ADAMTS19: variants seen among roughly 807,000 people sequenced by gnomAD.
The protein encoded by ADAMTS19 is A disintegrin and metalloproteinase with thrombospondin motifs 19.
A neutral mutation model predicts 153.3 loss-of-function variants in ADAMTS19; 93 were observed. The observed-to-expected ratio is 0.61, with a 90% CI of 0.51 to 0.72. The LOEUF (loss-of-function observed/expected upper bound fraction) is 0.72, where lower values mean the gene tolerates loss of function less well. ADAMTS19 is among the 30% of genes least tolerant of loss of function. ADAMTS19 has a pLI of 0.00. For synonymous variants in ADAMTS19, 600 were observed against 556.6 expected (o/e 1.08, Z -1.10); for missense variants, 1,482 against 1,552.1 (o/e 0.95, Z 0.76).
intron 16 of ADAMTS19, among the ~76,000 whole-genome samples, chr5:129,666,025 G>A (rs546690509): frequency 1.6e-3 from 239 of 150,752 alleles, no homozygotes; most frequent in Non-Finnish European, 2.9e-3. Context: ...ATCTTGTGGC[G>A]TTTTTGAAGT....
chr5:129,522,314 T>TACACACACACACACACACAC (rs1455704023), intron 3 of ADAMTS19, among the ~76,000 whole-genome samples: 6 of 94,488 alleles, frequency 6.4e-5, no homozygotes, highest in African/African-American at 2.6e-4. Context: ...TATATATATA[T>TACACACACACACACACACAC]ATACACACAC....
intron 8 of ADAMTS19, among the ~76,000 whole-genome samples, chr5:129,600,713 C>G (rs1334279983): frequency 6.6e-6 from 1 of 152,112 alleles, no homozygotes; most frequent in African/African-American, 2.4e-5. Flanking sequence ...TATCGACTTT[C>G]TCCTTTGGCA....
rs1317690680 is a variant in ADAMTS19, at chr5:129,738,186, C to G, written c.*968C>G. The G allele has an allele frequency of 1.3e-5, 2 of 152,068 alleles. No individual in the cohort carries two copies. The highest frequency in any genetic ancestry group is 2.9e-5 in the Non-Finnish European group (2 of 67,946). The allele number at this position is 152,068 out of a possible 1,614,324, so 9.4% of individuals were successfully genotyped here. A position where few individuals can be genotyped will look rare whatever the true frequency, so the allele number is the denominator to read the frequency against. ...AAAGCATATAATACGGTGGTCGTTT[C>G]ATTGTGTTTTTCTTCCTTTTAAAAA... is the stretch of plus-strand genomic sequence containing the variant. On this transcript the variant is annotated 3_prime_UTR_variant, in exon 23 of 23. Transcript: ENST00000274487.
At chr5:129,558,581 T>A (rs973183237) in intron 7 of ADAMTS19, among the ~76,000 whole-genome samples, 5 of 152,126 alleles carry the variant, frequency 3.3e-5, no homozygotes, top group Non-Finnish European at 7.4e-5. Context: ...TCCCTCAAAC[T>A]GATCTATTAA....
At chr5:129,568,757 G>A (rs554042822) in intron 7 of ADAMTS19, among the ~76,000 whole-genome samples, 1 of 152,176 alleles carries the variant, frequency 6.6e-6, no homozygotes, top group South Asian at 2.1e-4. Flanking sequence ...AGGAGTTTGA[G>A]GTTACAGTGA....
intron 7 of ADAMTS19, among the ~76,000 whole-genome samples, chr5:129,577,387 C>T (rs1749186070): frequency 6.6e-6 from 1 of 151,880 alleles, no homozygotes; most frequent in Admixed American, 6.6e-5. Flanking sequence ...AGAGAATATA[C>T]ATATTAAATA....
At chr5:129,611,159 G>A (rs187664926) in intron 8 of ADAMTS19, among the ~76,000 whole-genome samples, 79 of 151,988 alleles carry the variant, frequency 5.2e-4, no homozygotes, top group African/African-American at 1.6e-3. Context: ...TGTAAATTTC[G>A]TTGAGTTCTT....
chr5:129,680,738 G>C (rs920836055), intron 17 of ADAMTS19, among the ~76,000 whole-genome samples: 4 of 150,446 alleles, frequency 2.7e-5, no homozygotes, highest in Admixed American at 2.0e-4. Context: ...CTCCAGCCTG[G>C]GTGACAGAGG....
chr5:129,690,674 G>T (rs190744468), intron 18 of ADAMTS19, among the ~76,000 whole-genome samples: 1 of 152,022 alleles, frequency 6.6e-6, no homozygotes, highest in African/African-American at 2.4e-5. Flanking sequence ...AAATGTAGGT[G>T]TAAAAAATAA....
At chr5:129,681,536 A>G (rs1754812143) in intron 17 of ADAMTS19, among the ~76,000 whole-genome samples, 1 of 152,146 alleles carries the variant, frequency 6.6e-6, no homozygotes, top group South Asian at 2.1e-4. Flanking sequence ...TATTATTATT[A>G]CTCTAGTTTA....
At chr5:129,649,620 T>G (rs1753225118) in intron 13 of ADAMTS19, among the ~76,000 whole-genome samples, 1 of 152,116 alleles carries the variant, frequency 6.6e-6, no homozygotes, top group Non-Finnish European at 1.5e-5. Context: ...AAGATCTTTG[T>G]GCTAATGAAT....
In ADAMTS19 at chr5:129,622,256, G is replaced by A; in HGVS notation, c.1678G>A (p.Val560Ile). The part of the protein sequence containing the change: ...TNPQSVNSVM[V>I]PSKLPGMTYT... ...TCCGCAGAGTGTCAATTCTGTGATG[G>A]TTCCCTCCAAGCTGCCAGGGATGAC... Residue 560 changes from valine to isoleucine, a missense_variant, in exon 10 of 23, where the codon GTT (valine) becomes ATT (isoleucine). Val to Ile is a conservative substitution (Grantham distance 29). This residue lies in a region of ADAMTS19 where 866 missense variants were observed against 827.7 expected (regional missense o/e 1.05). Coordinates refer to ENST00000274487, the MANE Select transcript of ADAMTS19 (RefSeq NM_133638.6). 1 of 1,614,112 alleles carries A rather than the reference G, an allele frequency of 6.2e-7. No individual in the cohort carries two copies. Among genetic ancestry groups the A allele is most frequent in the Admixed American group, 1.7e-5 (1 of 60,006 alleles).
rs1487770914 is a variant in ADAMTS19 at position 129,641,914 on chromosome 5, C to A, written c.1826C>A (p.Thr609Asn). Residue 609 changes from threonine to asparagine, a missense_variant, in exon 11 of 23, where the codon ACC (threonine) becomes AAC (asparagine). By Grantham distance (65) the Thr-to-Asn change is moderately conservative. Transcript: ENST00000274487. The part of the protein sequence containing the change: ...CKVEGEKECR[T>N]KLDPPMDGTD... ...GTAGAAGGTGAGAAAGAATGCAGAA[C>A]CAAGCTAGACCCACCAATGGATGGA... 6.2e-7 allele frequency: 1 copy of A among 1,604,280 alleles called. No individual in the cohort carries two copies. The highest frequency in any genetic ancestry group is 2.2e-5 in the East Asian group (1 of 44,614).
intron 21 of ADAMTS19, among the ~76,000 whole-genome samples, chr5:129,719,987 C>T (rs1756910706): frequency 6.6e-6 from 1 of 152,054 alleles, no homozygotes; most frequent in African/African-American, 2.4e-5. Flanking sequence ...TTGCAGTGAG[C>T]CCAGATTGCG....
intron 8 of ADAMTS19, among the ~76,000 whole-genome samples, chr5:129,615,472 C>G (rs540174357): frequency 2.0e-5 from 3 of 152,038 alleles, no homozygotes; most frequent in South Asian, 4.1e-4. Context: ...TATTTTAATT[C>G]GTTGGGGGCA....
intron 7 of ADAMTS19, among the ~76,000 whole-genome samples, chr5:129,578,089 TATACATACATATAC>T (rs1410307635): frequency 4.0e-5 from 2 of 49,932 alleles, no homozygotes; most frequent in South Asian, 9.3e-4. Context: ...CATATATACA[TATACATACATATAC>T]ATATGCATGT....
At chr5:129,623,895 C>T (rs942037595) in intron 10 of ADAMTS19, among the ~76,000 whole-genome samples, 10 of 151,232 alleles carry the variant, frequency 6.6e-5, no homozygotes, top group South Asian at 2.1e-4. Context: ...CCGAGACGGG[C>T]GGATCACGAG....
Position 129,597,931 on chromosome 5 carries a change from G to T in ADAMTS19, c.1478+1267G>T, listed in dbSNP as rs1750461609. Among the ~76,000 whole-genome samples, 3 of 150,752 alleles carry T rather than the reference G, an allele frequency of 2.0e-5. No individual in the cohort carries two copies. In the South Asian group the frequency reaches 6.3e-4, roughly 32 times the overall value. ...AAAAAAAAGAAAAAAAGAAAAAAAA[G>T]AAATGGCACAGGTTGGGGAATCAGA... On this transcript the variant is annotated intron_variant, in intron 8 of 22. Transcript: ENST00000274487.
intron 7 of ADAMTS19, among the ~76,000 whole-genome samples, chr5:129,578,041 TACACACACACAC>T (rs748371915): frequency 1.1e-4 from 11 of 98,610 alleles, no homozygotes; most frequent in Admixed American, 3.8e-4. Flanking sequence ...CAAACTTACA[TACACACACACAC>T]ACACACACAC....
Sources: gnomAD v4.1 joint callset for allele counts (sites outside exome capture counted in the v4.1 genomes callset) on GRCh38, gnomAD v4.1.1 for gene constraint, gnomAD v4.1.1 regional missense constraint, MANE v1.5 for transcripts, NCBI Gene and HGNC (gene_info 2026-07-23, HGNC 2026-07-21) for gene names.